Variants in TRAPPC9 observed in about 807,000 individuals in gnomAD.
The protein encoded by TRAPPC9 is trafficking protein particle complex subunit 9.
Under a neutral mutation model 124.0 loss-of-function variants are expected in TRAPPC9, and 83 were observed. The observed-to-expected ratio is 0.67, with a 90% CI of 0.56 to 0.80. The LOEUF is 0.80. Ranked by LOEUF, TRAPPC9 falls within the 30% of genes least tolerant of loss-of-function variation. TRAPPC9 has a pLI of 0.00. For missense variants in TRAPPC9, 1,302 were observed against 1,508.3 expected, an observed-to-expected ratio of 0.86 and a Z score of 2.27; for synonymous variants, 638 against 617.5, an observed-to-expected ratio of 1.03 and a Z score of -0.49.
intron 19 of TRAPPC9, among the ~76,000 whole-genome samples, chr8:139,956,318 C>T (rs760553896): frequency 5.3e-5 from 8 of 152,128 alleles, no homozygotes; most frequent in African/African-American, 9.7e-5. Context: ...CCCACCACCA[C>T]GCCCAGATAA....
intron 21 of TRAPPC9, among the ~76,000 whole-genome samples, chr8:139,878,001 A>G (rs1215729133): frequency 1.3e-5 from 2 of 152,226 alleles, no homozygotes; most frequent in Non-Finnish European, 2.9e-5. Flanking sequence ...CTCTGCCAAG[A>G]TCCCATAAAA....
intron 16 of TRAPPC9, among the ~76,000 whole-genome samples, chr8:140,230,570 C>T (rs2063567402): frequency 6.6e-6 from 1 of 151,818 alleles, no homozygotes; most frequent in Non-Finnish European, 1.5e-5. Flanking sequence ...CAAGATCGGG[C>T]CACTGCACTC....
intron 17 of TRAPPC9, among the ~76,000 whole-genome samples, chr8:140,148,022 T>TG (rs2061488079): frequency 6.6e-6 from 1 of 152,242 alleles, no homozygotes; most frequent in African/African-American, 2.4e-5. Flanking sequence ...TGCCAGGCAC[T>TG]GGCTCTGGCC....
At chr8:140,108,199 C>A (rs1444175886) in intron 17 of TRAPPC9, among the ~76,000 whole-genome samples, 1 of 152,110 alleles carries the variant, frequency 6.6e-6, no homozygotes, top group Non-Finnish European at 1.5e-5. Flanking sequence ...AGGTAAATAG[C>A]CAACTACATA....
chr8:139,939,184 A>G (rs2131431472), intron 19 of TRAPPC9, among the ~76,000 whole-genome samples: 1 of 152,248 alleles, frequency 6.6e-6, no homozygotes, highest in South Asian at 2.1e-4. Flanking sequence ...TATTTGGGGG[A>G]CATTTGCCAT....
chr8:140,126,882 A>G (rs1319176863), intron 17 of TRAPPC9, among the ~76,000 whole-genome samples: 3 of 152,122 alleles, frequency 2.0e-5, no homozygotes, highest in African/African-American at 7.2e-5. Context: ...ACACATCACT[A>G]ATTGTGCGTT....
At chr8:140,266,651 G>A (rs964731627) in intron 15 of TRAPPC9, among the ~76,000 whole-genome samples, 1 of 152,014 alleles carries the variant, frequency 6.6e-6, no homozygotes, top group Non-Finnish European at 1.5e-5. Flanking sequence ...GAGGTCAGGA[G>A]ACAGAGACTA....
chr8:139,761,472 T>C (rs1408256641), intron 21 of TRAPPC9, among the ~76,000 whole-genome samples: 3 of 152,166 alleles, frequency 2.0e-5, no homozygotes, highest in African/African-American at 7.2e-5. Context: ...GGGAAAGTGA[T>C]GATGCGGTGT....
chr8:140,137,216 A>C (rs1221319826), intron 17 of TRAPPC9, among the ~76,000 whole-genome samples: 1 of 152,182 alleles, frequency 6.6e-6, no homozygotes, highest in Non-Finnish European at 1.5e-5. Context: ...GTATGCCAGG[A>C]GGGCTCACCG....
chr8:140,135,419 T>C (rs2061283967), intron 17 of TRAPPC9, among the ~76,000 whole-genome samples: 1 of 152,144 alleles, frequency 6.6e-6, no homozygotes, highest in Non-Finnish European at 1.5e-5. Context: ...ATAAACAAAA[T>C]GTGCTATATA....
intron 16 of TRAPPC9, among the ~76,000 whole-genome samples, chr8:140,251,669 G>C (rs1424118634): frequency 1.3e-5 from 2 of 152,218 alleles, no homozygotes; most frequent in African/African-American, 2.4e-5. Context: ...AGCTTTAGGA[G>C]GTGGGGCCTT....
At chr8:140,284,071 C>G (rs746738983) in intron 13 of TRAPPC9, 50 bp from the exon 14 acceptor site, 7 of 1,611,786 alleles carry the variant, frequency 4.3e-6, no homozygotes, top group Non-Finnish European at 5.9e-6. Context: ...CTTTGGGTCT[C>G]ACGCCCACGG....
intron 2 of TRAPPC9, among the ~76,000 whole-genome samples, chr8:140,442,435 T>C (rs973560226): frequency 2.0e-5 from 3 of 151,600 alleles, no homozygotes; most frequent in African/African-American, 7.3e-5. Flanking sequence ...CCGTGTCTAC[T>C]GAAAATACAA....
chr8:139,822,061 G>C (rs773581814), intron 21 of TRAPPC9, among the ~76,000 whole-genome samples: 1 of 152,192 alleles, frequency 6.6e-6, no homozygotes, highest in Non-Finnish European at 1.5e-5. Flanking sequence ...CTTTATTAGG[G>C]ACCGTGGGGT....
At chr8:139,787,267 A>T (rs1454539443) in intron 21 of TRAPPC9, among the ~76,000 whole-genome samples, 2 of 151,916 alleles carry the variant, frequency 1.3e-5, no homozygotes, top group Admixed American at 6.5e-5. Flanking sequence ...TTCAGAGGCA[A>T]CTGAGCTGCT....
intron 20 of TRAPPC9, 145 bp downstream of exon 20, chr8:139,910,002 C>T (rs1831613541): frequency 1.1e-6 from 1 of 915,802 alleles, no homozygotes; most frequent in Admixed American, 2.4e-5. Flanking sequence ...AAATGCCAAG[C>T]CTTTGGTCCA....
intron 19 of TRAPPC9, among the ~76,000 whole-genome samples, chr8:139,968,010 G>C (rs186297056): frequency 6.6e-6 from 1 of 151,632 alleles, no homozygotes; most frequent in African/African-American, 2.4e-5. Flanking sequence ...GCATGGTGGC[G>C]TGCACCTGTA....
intron 19 of TRAPPC9, among the ~76,000 whole-genome samples, chr8:139,917,171 T>C (rs987350583): frequency 4.5e-5 from 6 of 132,856 alleles, no homozygotes; most frequent in Admixed American, 2.2e-4. Context: ...TATTTTCTTT[T>C]TTTTTTTTTT....
intron 17 of TRAPPC9, among the ~76,000 whole-genome samples, chr8:140,206,463 A>G (rs1335062392): frequency 6.6e-6 from 1 of 152,110 alleles, no homozygotes; most frequent in Non-Finnish European, 1.5e-5. Context: ...ATGTCAGAAA[A>G]TTCTCTGTAT....
Sources: gnomAD v4.1 joint callset for allele counts (sites outside exome capture counted in the v4.1 genomes callset) on GRCh38, gnomAD v4.1.1 for gene constraint, MANE v1.5 for transcripts, NCBI Gene and HGNC (gene_info 2026-07-23, HGNC 2026-07-21) for gene names.